The following RNF111 variants were observed in gnomAD, a reference collection of about 807,000 sequenced individuals.
RNF111 encodes ring finger protein 111.
Under a neutral mutation model 95.1 loss-of-function variants are expected in RNF111, and 17 were observed. The observed-to-expected ratio is 0.18, with a 90% CI of 0.12 to 0.27. The LOEUF is 0.27. Among genes scored for constraint, RNF111 ranks in the 10% least tolerant of loss-of-function variants. RNF111 has a pLI of 1.00. For synonymous variants in RNF111, 440 were observed against 414.8 expected, an observed-to-expected ratio of 1.06 and a Z score of -0.74; for missense variants, 1,189 against 1,210.4, an observed-to-expected ratio of 0.98 and a Z score of 0.26.
At chr15:59,042,380 C>T (rs1362831280) in intron 2 of RNF111, among the ~76,000 whole-genome samples, 1 of 152,120 alleles carries the variant, frequency 6.6e-6, no homozygotes, top group African/African-American at 2.4e-5. Flanking sequence ...ACCCGCTCGG[C>T]CTCACAAGGT....
intron 2 of RNF111, among the ~76,000 whole-genome samples, chr15:59,050,066 CT>C (rs199954505): frequency 5.6e-4 from 77 of 138,040 alleles, no homozygotes; most frequent in Admixed American, 7.9e-4. Context: ...TTTTCTTTTT[CT>C]TTTTTTTTTT....
At chr15:58,995,358 G>A (rs547438935) in intron 1 of RNF111, among the ~76,000 whole-genome samples, 1 of 152,000 alleles carries the variant, frequency 6.6e-6, no homozygotes, top group Non-Finnish European at 1.5e-5. Context: ...TTATTCAGTG[G>A]GTTAAATAAC....
chr15:59,001,450 C>G lies in RNF111; in HGVS notation c.-20+13382C>G, dbSNP rs534776293. On this transcript the variant is annotated intron_variant, in intron 1 of 13. Transcript: ENST00000348370. ...GTTGATTAAAAAAAAATTCTTTTTA[C>G]TATCAGTTTAGTGGGGATTGGAGGG... Among the ~76,000 whole-genome samples, 83 of 152,034 alleles carry G rather than the reference C, an allele frequency of 5.5e-4. 1 individual carries two copies. The highest frequency in any genetic ancestry group is 1.9e-3 in the African/African-American group (79 of 41,466).
At chr15:59,058,709 G>T in intron 5 of RNF111, 159 bp downstream of exon 5, 1 of 653,346 alleles carries the variant, frequency 1.5e-6, no homozygotes, top group Non-Finnish European at 2.6e-6. Context: ...ATTATAATTA[G>T]GCTGATTTCA....
chr15:58,996,300 C>T (rs955246902), intron 1 of RNF111, among the ~76,000 whole-genome samples: 5 of 152,120 alleles, frequency 3.3e-5, no homozygotes, highest in Middle Eastern at 3.4e-3. Context: ...GGGCTGGGTG[C>T]GGTAGCTCAT....
chr15:59,013,144 C>G (rs1001637681), intron 1 of RNF111, among the ~76,000 whole-genome samples: 1 of 152,044 alleles, frequency 6.6e-6, no homozygotes, highest in Non-Finnish European at 1.5e-5. Context: ...CCTGCCTTTC[C>G]TAGGGATCAG....
chr15:59,027,146 G>T (rs1375611772), intron 1 of RNF111, among the ~76,000 whole-genome samples: 2 of 152,188 alleles, frequency 1.3e-5, no homozygotes, highest in Non-Finnish European at 2.9e-5. Context: ...TGCTTCTCAT[G>T]ATCTCCATTA....
intron 1 of RNF111, among the ~76,000 whole-genome samples, chr15:59,014,748 G>T (rs1476179004): frequency 3.3e-5 from 5 of 151,554 alleles, no homozygotes; most frequent in Non-Finnish European, 5.9e-5. Context: ...GTATTAACAG[G>T]AATTGCAGAC....
intron 1 of RNF111, among the ~76,000 whole-genome samples, chr15:59,024,156 A>T (rs190685573): frequency 6.6e-6 from 1 of 152,282 alleles, no homozygotes; most frequent in East Asian, 1.9e-4. Context: ...AAGAAATCTT[A>T]GGTATTATTT....
At chr15:59,013,565 T>C (rs2141575397) in intron 1 of RNF111, among the ~76,000 whole-genome samples, 1 of 152,206 alleles carries the variant, frequency 6.6e-6, no homozygotes, top group East Asian at 1.9e-4. Flanking sequence ...GAGTACATGG[T>C]GTCAACATGA....
chr15:59,067,498 A>C (rs1234481318), intron 6 of RNF111, among the ~76,000 whole-genome samples: 1 of 152,084 alleles, frequency 6.6e-6, no homozygotes, highest in African/African-American at 2.4e-5. Flanking sequence ...GATAGATTTT[A>C]TACACTAAAT....
chr15:59,059,679 TATCTC>T (rs138485815), intron 5 of RNF111, among the ~76,000 whole-genome samples: 3,011 of 152,338 alleles, frequency 0.02, 104 homozygotes, highest in African/African-American at 0.067. Flanking sequence ...TTTTAGCTCT[TATCTC>T]AAGCTAGTTC....
intron 7 of RNF111, among the ~76,000 whole-genome samples, chr15:59,079,296 A>G (rs543472266): frequency 7.2e-5 from 11 of 152,382 alleles, no homozygotes; most frequent in African/African-American, 2.6e-4. Flanking sequence ...ATAGTTAACA[A>G]TCATAAAACA....
intron 11 of RNF111, among the ~76,000 whole-genome samples, chr15:59,090,537 T>C (rs1262542006): frequency 6.6e-6 from 1 of 152,172 alleles, no homozygotes; most frequent in African/African-American, 2.4e-5. Context: ...GCCCCCGTTG[T>C]GTTTTTTTTA....
chr15:59,067,407 G>C (rs80069580), intron 6 of RNF111, among the ~76,000 whole-genome samples: 3 of 151,804 alleles, frequency 2.0e-5, no homozygotes, highest in Non-Finnish European at 2.9e-5. Flanking sequence ...CCCAGCATGA[G>C]GGAGTAACTA....
chr15:59,054,308 A>G (rs2042116253), intron 3 of RNF111, among the ~76,000 whole-genome samples: 1 of 152,086 alleles, frequency 6.6e-6, no homozygotes, highest in Non-Finnish European at 1.5e-5. Context: ...GTTGCTACTA[A>G]TCATAGTGGC....
At chr15:59,089,260 C>G (rs2078983534) in intron 10 of RNF111, among the ~76,000 whole-genome samples, 1 of 151,874 alleles carries the variant, frequency 6.6e-6, no homozygotes. Context: ...CTAATAGAAT[C>G]AAGCAAAAAA....
At chr15:59,036,007 C>T (rs1404481403) in intron 2 of RNF111, among the ~76,000 whole-genome samples, 5 of 152,318 alleles carry the variant, frequency 3.3e-5, no homozygotes, top group African/African-American at 1.2e-4. Context: ...TACCAATTTA[C>T]TGTATTAGTT....
At position 59,053,384 on chromosome 15, in the gene RNF111, C is replaced by G. The variant is rs372327726; in HGVS notation, c.1007+953C>G. On this transcript the variant is annotated intron_variant, in intron 3 of 13. Transcript: ENST00000348370. The stretch of plus-strand genomic sequence containing the variant: ...ACATTTGATACACCCAACTAATAAT[C>G]TAACGGATGAATCTTAATTTTTGTG... 8.5e-5 allele frequency among the ~76,000 whole-genome samples: 13 copies of G among 152,148 alleles called. No homozygotes were observed. In the East Asian group the frequency reaches 2.5e-3, roughly 29 times the overall value.
Sources: gnomAD v4.1 joint callset for allele counts (sites outside exome capture counted in the v4.1 genomes callset) on GRCh38, gnomAD v4.1.1 for gene constraint, MANE v1.5 for transcripts, NCBI Gene and HGNC (gene_info 2026-07-23, HGNC 2026-07-21) for gene names.